The following MACROD2 variants were observed in gnomAD, a reference collection of about 807,000 sequenced individuals.
MACROD2 encodes mono-ADP ribosylhydrolase 2, also known as ADP-ribose glycohydrolase MACROD2.
Under a neutral mutation model 70.4 loss-of-function variants are expected in MACROD2, and 36 were observed. The ratio of observed to expected loss-of-function variants is 0.51; its 90% CI spans 0.39 to 0.68. The LOEUF is 0.68. Ranked by LOEUF, MACROD2 falls within the 30% of genes least tolerant of loss-of-function variation. The pLI, the probability that MACROD2 is intolerant of heterozygous loss-of-function variation, is 0.00. For synonymous variants in MACROD2, 172 were observed against 178.8 expected (o/e 0.96, Z 0.30); for missense variants, 496 against 538.4 (o/e 0.92, Z 0.78).
chr20:15,437,092 C>G (rs575469597), intron 7 of MACROD2, among the ~76,000 whole-genome samples: 1 of 152,120 alleles, frequency 6.6e-6, no homozygotes, highest in Non-Finnish European at 1.5e-5. Context: ...AATTGGTGTG[C>G]TAAGGATGTA....
Position 15,344,511 on chromosome 20 carries a change from C to G in MACROD2, c.541-86894C>G, listed in dbSNP as rs143094887. Among the ~76,000 whole-genome samples, 3 of 152,240 alleles carry G rather than the reference C, an allele frequency of 2.0e-5. No homozygotes were observed. In the East Asian group the frequency reaches 5.8e-4, roughly 29 times the overall value. On this transcript the variant is annotated intron_variant, in intron 6 of 17. Transcript: ENST00000684519. ...TTTGACCGCTCAAATGTAGCTGCAACCAGGACCAATTTGATGTGAGCTCTG... is the reference window on the plus strand; with the variant it reads ...TTTGACCGCTCAAATGTAGCTGCAAGCAGGACCAATTTGATGTGAGCTCTG...
intron 8 of MACROD2, among the ~76,000 whole-genome samples, chr20:15,576,197 T>A (rs1347420049): frequency 6.6e-6 from 1 of 152,162 alleles, no homozygotes; most frequent in African/African-American, 2.4e-5. Context: ...TGTAAATTAA[T>A]GTAACCACCA....
chr20:14,388,784 T>C (rs2083494699), intron 3 of MACROD2, among the ~76,000 whole-genome samples: 1 of 152,182 alleles, frequency 6.6e-6, no homozygotes, highest in Non-Finnish European at 1.5e-5. Flanking sequence ...AGTGGCATTT[T>C]ATATGGGTCC....
intron 6 of MACROD2, among the ~76,000 whole-genome samples, chr20:15,237,878 C>G (rs1232632270): frequency 6.6e-6 from 1 of 151,992 alleles, no homozygotes; most frequent in African/African-American, 2.4e-5. Context: ...TATCTGCCCG[C>G]TTGGGCAGGC....
chr20:15,559,183 C>T (rs911355161), intron 8 of MACROD2, among the ~76,000 whole-genome samples: 7 of 143,328 alleles, frequency 4.9e-5, no homozygotes, highest in South Asian at 4.4e-4. Flanking sequence ...GTCGAGATCG[C>T]GCCACTGCAC....
intron 3 of MACROD2, among the ~76,000 whole-genome samples, chr20:14,283,399 T>C (rs1341628141): frequency 3.3e-5 from 5 of 152,160 alleles, no homozygotes; most frequent in African/African-American, 1.2e-4. Flanking sequence ...CAATATGGTA[T>C]AAAAAATGGA....
At chr20:15,105,631 G>T (rs431587) in intron 5 of MACROD2, among the ~76,000 whole-genome samples, 2 of 151,686 alleles carry the variant, frequency 1.3e-5, no homozygotes, top group African/African-American at 4.8e-5. Context: ...ATAATTTGTC[G>T]AGGAAAAATT....
chr20:14,467,220 A>C (rs1239983456), intron 3 of MACROD2, among the ~76,000 whole-genome samples: 1 of 152,030 alleles, frequency 6.6e-6, no homozygotes, highest in Non-Finnish European at 1.5e-5. Context: ...TTACCTACTC[A>C]AGCCTGAGCA....
At chr20:14,520,387 A>G (rs1003162064) in intron 4 of MACROD2, among the ~76,000 whole-genome samples, 1 of 151,714 alleles carries the variant, frequency 6.6e-6, no homozygotes, top group Admixed American at 6.6e-5. Flanking sequence ...TGAATTCTTT[A>G]CTCTGATTTA....
intron 3 of MACROD2, among the ~76,000 whole-genome samples, chr20:14,436,913 A>G (rs1284957712): frequency 2.0e-5 from 3 of 152,214 alleles, no homozygotes; most frequent in Non-Finnish European, 2.9e-5. Flanking sequence ...GATCTTAGTC[A>G]TTAACTTTGC....
At chr20:14,277,453 A>G (rs939873020) in intron 3 of MACROD2, among the ~76,000 whole-genome samples, 20 of 152,244 alleles carry the variant, frequency 1.3e-4, no homozygotes, top group Non-Finnish European at 2.5e-4. Context: ...AAGCAAACAA[A>G]CAAAAAGATA....
intron 2 of MACROD2, among the ~76,000 whole-genome samples, chr20:14,027,112 G>T (rs1158192232): frequency 6.6e-6 from 1 of 152,134 alleles, no homozygotes; most frequent in Non-Finnish European, 1.5e-5. Flanking sequence ...CGTAGGTTTG[G>T]TCTTTTCACA....
At chr20:14,805,763 T>C (rs1438193406) in intron 5 of MACROD2, among the ~76,000 whole-genome samples, 2 of 150,788 alleles carry the variant, frequency 1.3e-5, no homozygotes, top group African/African-American at 4.9e-5. Flanking sequence ...CTTCCGAACA[T>C]TTTTTTTTCC....
intron 5 of MACROD2, among the ~76,000 whole-genome samples, chr20:14,797,183 C>T (rs1046584293): frequency 3.3e-5 from 5 of 152,040 alleles, no homozygotes; most frequent in Admixed American, 6.6e-5. Flanking sequence ...CACTATTCAC[C>T]TAGACTGTTG....
chr20:15,602,376 T>C (rs1304376112), intron 8 of MACROD2, among the ~76,000 whole-genome samples: 1 of 152,236 alleles, frequency 6.6e-6, no homozygotes, highest in East Asian at 1.9e-4. Flanking sequence ...GAGACTGACA[T>C]ACTTTGACTT....
intron 8 of MACROD2, among the ~76,000 whole-genome samples, chr20:15,816,418 CACTT>C (rs1330268888): frequency 2.0e-5 from 3 of 151,986 alleles, no homozygotes; most frequent in African/African-American, 7.2e-5. Flanking sequence ...AACCATGAAA[CACTT>C]ACCTATCCAT....
intron 3 of MACROD2, among the ~76,000 whole-genome samples, chr20:14,155,822 G>T (rs2055094608): frequency 6.6e-6 from 1 of 151,032 alleles, no homozygotes. Context: ...CTATCATTTT[G>T]TTATCTTAAT....
intron 8 of MACROD2, among the ~76,000 whole-genome samples, chr20:15,844,131 A>G (rs2064203754): frequency 6.6e-6 from 1 of 152,020 alleles, no homozygotes; most frequent in Non-Finnish European, 1.5e-5. Context: ...GAACATGTAA[A>G]TGTTTTGCTG....
At chr20:15,652,914 C>T (rs971597201) in intron 8 of MACROD2, among the ~76,000 whole-genome samples, 1 of 152,250 alleles carries the variant, frequency 6.6e-6, no homozygotes, top group South Asian at 2.1e-4. Flanking sequence ...ACTGTTGTAA[C>T]ACTAAAGCTA....
Sources: gnomAD v4.1 joint callset for allele counts (sites outside exome capture counted in the v4.1 genomes callset) on GRCh38, gnomAD v4.1.1 for gene constraint, MANE v1.5 for transcripts, NCBI Gene and HGNC (gene_info 2026-07-23, HGNC 2026-07-21) for gene names.